The following KLF6 variants were observed in gnomAD, a reference collection of about 807,000 sequenced individuals.
The protein encoded by KLF6 is KLF transcription factor 6.
For synonymous variants in KLF6, 152 were observed against 147.9 expected, an observed-to-expected ratio of 1.03 and a Z score of -0.20; for missense variants, 233 against 359.8, an observed-to-expected ratio of 0.65 and a Z score of 2.85.
rs1335315945 is a variant in KLF6, at chr10:3,776,365, G to A, written c.*3174C>T. On this transcript the variant is annotated 3_prime_UTR_variant, in exon 4 of 4. Coordinates refer to ENST00000497571, the MANE Select transcript of KLF6 (RefSeq NM_001300.6). ...ATTTGATGCATTCAGGGAGGGCAAT[G>A]TCAGGCTCGCTGACATCCTCTCCAG... The A allele has an allele frequency of 5.6e-6, 3 of 532,486 alleles. No individual in the cohort carries two copies. The highest frequency in any genetic ancestry group is 3.6e-6 in the Non-Finnish European group (1 of 275,170). 33.0% of individuals were successfully genotyped at this position (532,486 alleles called of 1,614,324 possible). A position where few individuals can be genotyped will look rare whatever the true frequency, so the allele number is the denominator to read the frequency against.
Position 3,776,272 on chromosome 10 carries a change from C to CA in KLF6, c.*3266dup, listed in dbSNP as rs1832372495. 2 of 532,782 alleles carry CA rather than the reference C, an allele frequency of 3.8e-6. No homozygotes were observed. The highest frequency in any genetic ancestry group is 7.3e-6 in the Non-Finnish European group (2 of 275,468). 33.0% of individuals were successfully genotyped at this position (532,782 alleles called of 1,614,324 possible). A position where few individuals can be genotyped will look rare whatever the true frequency, so the allele number is the denominator to read the frequency against. Reference sequence around the variant, plus strand: ...TTCCCTGGCTTGAGCAATGGAAGATCAAACCGGCATGGTTCCCTACTGTGC... The same window carrying CA: ...TTCCCTGGCTTGAGCAATGGAAGATCAAAACCGGCATGGTTCCCTACTGTGC... On this transcript the variant is annotated 3_prime_UTR_variant, in exon 4 of 4. Transcript: ENST00000497571.
rs147965199 is a variant in KLF6, at chr10:3,781,961, A to G, written c.356T>C (p.Leu119Pro). Residue 119 changes from leucine to proline, a missense_variant, in exon 2 of 4, where the codon CTT becomes CCT. Physicochemically the swap from Leu to Pro is moderately conservative, Grantham distance 98 (BLOSUM62 -3). Coordinates refer to ENST00000497571, the MANE Select transcript of KLF6 (RefSeq NM_001300.6). This position sits in a 1 kb window ranked among gnomAD's most constrained non-coding sequence, Gnocchi z 5.8. ...GGAGGTAAACTTGGCCGTGGGAGAA[A>G]GTTCCTCGGAGCTGTCAGAGGATTC... ...SSESSDSSEE[L>P]SPTAKFTSDP... The G allele has an allele frequency of 1.2e-6, 2 of 1,614,218 alleles. No homozygotes were observed. Among genetic ancestry groups the G allele is most frequent in the African/African-American group, 1.3e-5 (1 of 75,048 alleles).
At position 3,781,211 on chromosome 10, in the gene KLF6, A is replaced by G; in HGVS notation, c.676+430T>C. 1 of 418,084 alleles carries G rather than the reference A, an allele frequency of 2.4e-6. No individual in the cohort carries two copies. The highest frequency in any genetic ancestry group is 4.2e-6 in the Non-Finnish European group (1 of 235,812). 25.9% of individuals were successfully genotyped at this position (418,084 alleles called of 1,614,324 possible). On this transcript the variant is annotated intron_variant, in intron 2 of 3. Coordinates refer to ENST00000497571, the MANE Select transcript of KLF6 (RefSeq NM_001300.6). This position sits in a 1 kb window ranked among gnomAD's most constrained non-coding sequence, Gnocchi z 5.8. ...GGTCCCACTCGGGCCTCGGGCCGTCAGCATCAAACCCACACACTCCACGCT... is the reference window on the plus strand; with the variant it reads ...GGTCCCACTCGGGCCTCGGGCCGTCGGCATCAAACCCACACACTCCACGCT...
Position 3,780,307 on chromosome 10 carries a change from CAGT to C in KLF6, c.677-81_677-79del, listed in dbSNP as rs1588342543. 1 of 1,577,392 alleles carries C rather than the reference CAGT, an allele frequency of 6.3e-7. No homozygotes were observed. Among genetic ancestry groups the C allele is most frequent in the Non-Finnish European group, 8.6e-7 (1 of 1,156,260 alleles). On this transcript the variant is annotated intron_variant, in intron 2 of 3. Transcript: ENST00000497571. The surrounding 1 kb of genome is among the most constrained non-coding windows in gnomAD (Gnocchi z 4.6). ...GAAAGGGGAAATTCAACAACACACA[CAGT>C]GGTGGGATGCAAGGCCAGGGACCCA...
rs1832564945 is a variant in KLF6 at position 3,782,943 on chromosome 10, C to T, written c.103-729G>A. On this transcript the variant is annotated intron_variant, in intron 1 of 3. Coordinates refer to ENST00000497571, the MANE Select transcript of KLF6 (RefSeq NM_001300.6). The surrounding 1 kb of genome is among the most constrained non-coding windows in gnomAD (Gnocchi z 4.3). ...AGAGAAAAACAAGGAACTTCAACAA[C>T]AGGAGTGCAGAAATAATTCCAGCAT... Among the ~76,000 whole-genome samples the T allele has an allele frequency of 6.6e-6, 1 of 152,198 alleles. No homozygotes were observed. Among genetic ancestry groups the T allele is most frequent in the Non-Finnish European group, 1.5e-5 (1 of 68,036 alleles).
intron 1 of KLF6, 35 bp downstream of exon 1, chr10:3,784,878 G>A (rs1832615041): frequency 6.3e-7 from 1 of 1,577,048 alleles, no homozygotes. Context: ...CCCGCGCCCC[G>A]GCGCCCGCAG....
In KLF6 at chr10:3,778,797, T is replaced by C; in HGVS notation, c.*742A>G. Reference sequence around the variant, plus strand: ...TTTTGTATTCTAAGGAAAAGTTAAATTGTTGTGTTATATTTGTAAATACAC... The same window carrying C: ...TTTTGTATTCTAAGGAAAAGTTAAACTGTTGTGTTATATTTGTAAATACAC... On this transcript the variant is annotated 3_prime_UTR_variant, in exon 4 of 4. Coordinates refer to ENST00000497571, the MANE Select transcript of KLF6 (RefSeq NM_001300.6). 3.8e-6 allele frequency: 2 copies of C among 532,074 alleles called. No homozygotes were observed. The highest frequency in any genetic ancestry group is 7.3e-6 in the Non-Finnish European group (2 of 274,886). The allele number at this position is 532,074 out of a possible 1,614,324, so 33.0% of individuals were successfully genotyped here.
chr10:3,779,999 G>A, intron 3 of KLF6, 107 bp downstream of exon 3: 1 of 1,394,050 alleles, frequency 7.2e-7, no homozygotes. Context: ...TCACACATAG[G>A]AAACTGCATG....
chr10:3,782,101 C>T lies in KLF6; in HGVS notation c.216G>A (p.Glu72=). The change falls in exon 2 of 4, where the codon GAG becomes GAA. Residue 72 remains glutamate, a synonymous_variant. Transcript: ENST00000497571. This position sits in a 1 kb window ranked among gnomAD's most constrained non-coding sequence, Gnocchi z 4.3. ...DLWTKIILAR[E]KKEESELKIS... is the part of the protein sequence containing the mutation. The stretch of plus-strand genomic sequence containing the variant: ...TCTTCAGTTCGGATTCCTCCTTTTT[C>T]TCCCGAGCCAGAATGATTTTGGTCC... 6.2e-6 allele frequency: 10 copies of T among 1,614,148 alleles called. No homozygotes were observed. The highest frequency in any genetic ancestry group is 8.5e-6 in the Non-Finnish European group (10 of 1,179,998).
chr10:3,776,133 C>T lies in KLF6; in HGVS notation c.*3406G>A, dbSNP rs931186247. ...TGCCTCAGCCAGGTGTGTGGCAGGG[C>T]TGGCTGGGGAAGGTAGGCCCAGCTC... On this transcript the variant is annotated 3_prime_UTR_variant, in exon 4 of 4. Coordinates refer to ENST00000497571, the MANE Select transcript of KLF6 (RefSeq NM_001300.6). 1.7e-5 allele frequency: 9 copies of T among 530,296 alleles called. No individual in the cohort carries two copies. Among genetic ancestry groups the T allele is most frequent in the Admixed American group, 1.3e-4 (6 of 44,908 alleles). 32.8% of individuals were successfully genotyped at this position (530,296 alleles called of 1,614,324 possible).
intron 3 of KLF6, 35 bp from the exon 4 acceptor site, chr10:3,779,625 G>C: frequency 1.2e-6 from 2 of 1,605,448 alleles, no homozygotes; most frequent in South Asian, 1.1e-5. Context: ...GAAGAAGTTA[G>C]GTTCCCATCC....
Position 3,778,763 on chromosome 10 carries a change from T to C in KLF6, c.*776A>G, listed in dbSNP as rs1156618270. On this transcript the variant is annotated 3_prime_UTR_variant, in exon 4 of 4. Transcript: ENST00000497571. ...GAAAAGCATATAGTTCCCCAGACCA[T>C]GCATGACTTTTTGTATTCTAAGGAA... The C allele has an allele frequency of 1.9e-6, 1 of 530,670 alleles. No homozygotes were observed. Among genetic ancestry groups the C allele is most frequent in the African/African-American group, 1.9e-5 (1 of 53,680 alleles). The allele number at this position is 530,670 out of a possible 1,614,324, so 32.9% of individuals were successfully genotyped here. A position where few individuals can be genotyped will look rare whatever the true frequency, so the allele number is the denominator to read the frequency against.
At position 3,779,026 on chromosome 10, in the gene KLF6, T is replaced by A. The variant is rs1430672033; in HGVS notation, c.*513A>T. The A allele has an allele frequency of 7.6e-6, 4 of 528,880 alleles. No homozygotes were observed. The highest frequency in any genetic ancestry group is 1.5e-5 in the Non-Finnish European group (4 of 274,936). The allele number at this position is 528,880 out of a possible 1,614,324, so 32.8% of individuals were successfully genotyped here. On this transcript the variant is annotated 3_prime_UTR_variant, in exon 4 of 4. Coordinates refer to ENST00000497571, the MANE Select transcript of KLF6 (RefSeq NM_001300.6). ...CCCTCCAAGATTTTCCTTCTTTTTT[T>A]GTTTTTGTTTTTTTGTTTTTTTGAT... is the stretch of plus-strand genomic sequence containing the variant.
At position 3,779,443 on chromosome 10, in the gene KLF6, G is replaced by A; in HGVS notation, c.*96C>T. 3 of 1,096,542 alleles carry A rather than the reference G, an allele frequency of 2.7e-6. No individual in the cohort carries two copies. Among genetic ancestry groups the A allele is most frequent in the Non-Finnish European group, 4.2e-6 (3 of 715,278 alleles). The allele number at this position is 1,096,542 out of a possible 1,614,324, so 67.9% of individuals were successfully genotyped here. ...CCTGGAGGCAACTGGGTAGGGTGCA[G>A]AACGGCATGCTTTGGCTGGAACACG... On this transcript the variant is annotated 3_prime_UTR_variant, in exon 4 of 4. Coordinates refer to ENST00000497571, the MANE Select transcript of KLF6 (RefSeq NM_001300.6).
rs778021547 is a variant in KLF6 at position 3,776,376 on chromosome 10, T to TGACA, written c.*3159_*3162dup. 5 of 532,172 alleles carry TGACA rather than the reference T, an allele frequency of 9.4e-6. No homozygotes were observed. The highest frequency in any genetic ancestry group is 6.1e-5 in the South Asian group (4 of 65,154). 33.0% of individuals were successfully genotyped at this position (532,172 alleles called of 1,614,324 possible). A position where few individuals can be genotyped will look rare whatever the true frequency, so the allele number is the denominator to read the frequency against. The stretch of plus-strand genomic sequence containing the variant: ...TCAGGGAGGGCAATGTCAGGCTCGC[T>TGACA]GACATCCTCTCCAGCTCCCAGGACA... On this transcript the variant is annotated 3_prime_UTR_variant, in exon 4 of 4. Coordinates refer to ENST00000497571, the MANE Select transcript of KLF6 (RefSeq NM_001300.6).
Position 3,780,069 on chromosome 10 carries a change from C to T in KLF6, c.800+37G>A, listed in dbSNP as rs1460747790. The T allele has an allele frequency of 1.2e-6, 2 of 1,613,592 alleles. No individual in the cohort carries two copies. The highest frequency in any genetic ancestry group is 2.2e-5 in the East Asian group (1 of 44,876). On this transcript the variant is annotated intron_variant, in intron 3 of 3. Coordinates refer to ENST00000497571, the MANE Select transcript of KLF6 (RefSeq NM_001300.6). The surrounding 1 kb of genome is among the most constrained non-coding windows in gnomAD (Gnocchi z 4.6). Reference sequence around the variant, plus strand: ...CCCTGGTCATCACATTCCCAAGGCCCCACGCTCCTTGCCCAGCATTGTCCT... The same window carrying T: ...CCCTGGTCATCACATTCCCAAGGCCTCACGCTCCTTGCCCAGCATTGTCCT...
In KLF6 at chr10:3,778,698, C is replaced by A. The variant is rs1404706357; in HGVS notation, c.*841G>T. On this transcript the variant is annotated 3_prime_UTR_variant, in exon 4 of 4. Coordinates refer to ENST00000497571, the MANE Select transcript of KLF6 (RefSeq NM_001300.6). ...TTAGACAGATTGGATCTTAGCTGCT[C>A]ATTAACTGGAATCAGTATTGCAGTC... 1 of 528,326 alleles carries A rather than the reference C, an allele frequency of 1.9e-6. No individual in the cohort carries two copies. Among genetic ancestry groups the A allele is most frequent in the Non-Finnish European group, 3.7e-6 (1 of 272,640 alleles). 32.7% of individuals were successfully genotyped at this position (528,326 alleles called of 1,614,324 possible).
rs879391393 is a variant in KLF6 at position 3,778,080 on chromosome 10, C to G, written c.*1459G>C. 1.9e-6 allele frequency: 1 copy of G among 515,706 alleles called. No individual in the cohort carries two copies. Among genetic ancestry groups the G allele is most frequent in the Non-Finnish European group, 3.8e-6 (1 of 264,644 alleles). 31.9% of individuals were successfully genotyped at this position (515,706 alleles called of 1,614,324 possible). On this transcript the variant is annotated 3_prime_UTR_variant, in exon 4 of 4. Transcript: ENST00000497571. Reference sequence around the variant, plus strand: ...CATTTTCCTGTTTTCCATTTTAACACTGACAGTCAAGTTGCCTAAAGTGTT... The same window carrying G: ...CATTTTCCTGTTTTCCATTTTAACAGTGACAGTCAAGTTGCCTAAAGTGTT...
In KLF6 at chr10:3,776,257, T is replaced by TG. The variant is rs3214993; in HGVS notation, c.*3281dup. ...TGCCTCTGCAATGCATTCCCTGGCT[T>TG]GAGCAATGGAAGATCAAACCGGCAT... On this transcript the variant is annotated 3_prime_UTR_variant, in exon 4 of 4. Transcript: ENST00000497571. 0.21 allele frequency: 113,644 copies of TG among 532,518 alleles called. 12,671 individuals carry two copies. Among genetic ancestry groups the TG allele is most frequent in the Admixed American group, 0.26 (11,836 of 44,944 alleles). 33.0% of individuals were successfully genotyped at this position (532,518 alleles called of 1,614,324 possible).
Sources: allele counts gnomAD v4.1 joint callset (sites outside exome capture counted in the v4.1 genomes callset), GRCh38; gene constraint gnomAD v4.1.1; non-coding constraint Gnocchi (gnomAD v3.1); transcripts MANE v1.5; gene names NCBI Gene and HGNC (gene_info 2026-07-23, HGNC 2026-07-21).